The following BCL2 variants were observed in gnomAD, a reference collection of about 807,000 sequenced individuals.
The protein encoded by BCL2 is apoptosis regulator Bcl-2.
BCL2 carries 1 observed loss-of-function variant against 14.2 expected under a neutral mutation model. The observed-to-expected ratio is 0.07, with a 90% confidence interval of 0.02 to 0.33. The LOEUF is 0.33. Among genes scored for constraint, BCL2 ranks in the 10% least tolerant of loss-of-function variants. The pLI is 0.99. For missense variants in BCL2, 247 were observed against 305.9 expected (o/e 0.81, Z 1.44); for synonymous variants, 151 against 137.2 (o/e 1.10, Z -0.70).
intron 2 of BCL2, among the ~76,000 whole-genome samples, chr18:63,273,507 A>C (rs1328571392): frequency 6.6e-6 from 1 of 152,190 alleles, no homozygotes; most frequent in Non-Finnish European, 1.5e-5. Flanking sequence ...GTAAACTGAC[A>C]ATGATAAAGA....
At chr18:63,129,026 A>G (rs1311919792) in intron 2 of BCL2, among the ~76,000 whole-genome samples, 1 of 152,248 alleles carries the variant, frequency 6.6e-6, no homozygotes, top group Non-Finnish European at 1.5e-5. Flanking sequence ...TTCCTACTTC[A>G]CGAAGCTTCC....
chr18:63,301,673 C>T (rs112328952), intron 2 of BCL2, among the ~76,000 whole-genome samples: 175 of 152,334 alleles, frequency 1.1e-3, no homozygotes, highest in Non-Finnish European at 1.8e-3. Flanking sequence ...AATTACAGTA[C>T]TGGCGACAAA....
At chr18:63,301,217 G>A (rs959949395) in intron 2 of BCL2, among the ~76,000 whole-genome samples, 1 of 152,158 alleles carries the variant, frequency 6.6e-6, no homozygotes. Context: ...CTAGGACTGG[G>A]GAGAAAAAGA....
chr18:63,311,090 A>G (rs1039703812), intron 2 of BCL2, among the ~76,000 whole-genome samples: 3 of 151,476 alleles, frequency 2.0e-5, no homozygotes, highest in Admixed American at 2.0e-4. Flanking sequence ...ACTTAATTTT[A>G]TTCCTATTTT....
intron 2 of BCL2, among the ~76,000 whole-genome samples, chr18:63,169,120 C>G (rs552769817): frequency 1.1e-4 from 16 of 152,214 alleles, no homozygotes; most frequent in African/African-American, 1.9e-4. Flanking sequence ...CACAGGCAGG[C>G]ACCTGATCAT....
rs1314569801 is a variant in BCL2 at position 63,126,212 on chromosome 18, C to T, written c.*2413G>A. ...TGATCATTCTGTTCCCTGAGGCCCG[C>T]CGGGGAGGTCTGGCTTCATACCACA... On this transcript the variant is annotated 3_prime_UTR_variant, in exon 3 of 3. Coordinates refer to ENST00000333681, the MANE Select transcript of BCL2 (RefSeq NM_000633.3). 9.2e-6 allele frequency: 2 copies of T among 217,136 alleles called. No homozygotes were observed. Among genetic ancestry groups the T allele is most frequent in the Admixed American group, 5.8e-5 (1 of 17,194 alleles). 13.5% of individuals were successfully genotyped at this position (217,136 alleles called of 1,614,324 possible).
chr18:63,293,668 T>TG (rs571265631), intron 2 of BCL2, among the ~76,000 whole-genome samples: 3 of 152,086 alleles, frequency 2.0e-5, no homozygotes, highest in African/African-American at 7.2e-5. Flanking sequence ...GTTCTGGGGC[T>TG]GGGGGGAGAC....
At chr18:63,262,091 A>G (rs1911677532) in intron 2 of BCL2, among the ~76,000 whole-genome samples, 1 of 150,228 alleles carries the variant, frequency 6.7e-6, no homozygotes, top group African/African-American at 2.5e-5. Context: ...ATTTTTTTAT[A>G]TTTTTAGTAT....
At chr18:63,234,150 C>T (rs576869302) in intron 2 of BCL2, among the ~76,000 whole-genome samples, 61 of 152,174 alleles carry the variant, frequency 4.0e-4, no homozygotes, top group African/African-American at 1.3e-3. Context: ...CATAGGTAAA[C>T]GTGTGCCATG....
chr18:63,160,544 C>T (rs1049404683), intron 2 of BCL2, among the ~76,000 whole-genome samples: 21 of 152,172 alleles, frequency 1.4e-4, no homozygotes, highest in African/African-American at 5.1e-4. Flanking sequence ...TTCCAAAATT[C>T]TGTTTCAACA....
At chr18:63,203,087 T>C (rs1909744046) in intron 2 of BCL2, among the ~76,000 whole-genome samples, 2 of 152,196 alleles carry the variant, frequency 1.3e-5, no homozygotes, top group East Asian at 1.9e-4. Flanking sequence ...TGCTAATCAA[T>C]CACGCTTCAG....
intron 2 of BCL2, among the ~76,000 whole-genome samples, chr18:63,256,763 C>T (rs1398226841): frequency 6.6e-6 from 1 of 152,168 alleles, no homozygotes; most frequent in Non-Finnish European, 1.5e-5. Context: ...TCACACAAAG[C>T]CTGCCCCCTT....
At chr18:63,198,368 T>A (rs1222949003) in intron 2 of BCL2, among the ~76,000 whole-genome samples, 918 of 26,550 alleles carry the variant, frequency 0.035, no homozygotes, top group African/African-American at 0.047. Flanking sequence ...AGACACACAC[T>A]GACATAGACA....
chr18:63,310,264 G>A (rs1979289907), intron 2 of BCL2, among the ~76,000 whole-genome samples: 1 of 152,168 alleles, frequency 6.6e-6, no homozygotes, highest in African/African-American at 2.4e-5. Context: ...GTATGCAGTG[G>A]TAAGTTCTCA....
In BCL2 at chr18:63,318,036, C is replaced by T. The variant is rs760535243; in HGVS notation, c.585+46G>A. On this transcript the variant is annotated intron_variant, in intron 2 of 2. Coordinates refer to ENST00000333681, the MANE Select transcript of BCL2 (RefSeq NM_000633.3). The surrounding 1 kb of genome is among the most constrained non-coding windows in gnomAD (Gnocchi z 7.4). ...CACCCGCACTCCAACCCCCGCATCT[C>T]GGACCTGTGGCCTCAGCCCAGACTC... 1.1e-5 allele frequency: 18 copies of T among 1,597,506 alleles called. No individual in the cohort carries two copies. The highest frequency in any genetic ancestry group is 1.5e-5 in the Non-Finnish European group (17 of 1,169,454).
intron 2 of BCL2, among the ~76,000 whole-genome samples, chr18:63,233,185 C>T (rs1847390084): frequency 6.6e-6 from 1 of 152,180 alleles, no homozygotes; most frequent in Non-Finnish European, 1.5e-5. Flanking sequence ...AAAATCCTGC[C>T]TCCTAATAGC....
chr18:63,256,496 C>T (rs1271084302), intron 2 of BCL2, among the ~76,000 whole-genome samples: 4 of 152,186 alleles, frequency 2.6e-5, no homozygotes, highest in Non-Finnish European at 5.9e-5. Context: ...GGATTACAGG[C>T]GTGAGCCACC....
chr18:63,204,662 T>C (rs1244910672), intron 2 of BCL2, among the ~76,000 whole-genome samples: 3 of 152,210 alleles, frequency 2.0e-5, no homozygotes, highest in Admixed American at 6.5e-5. Flanking sequence ...CACTATGTTA[T>C]GGAGTAATCT....
intron 2 of BCL2, among the ~76,000 whole-genome samples, chr18:63,273,016 T>G (rs962872023): frequency 7.1e-6 from 1 of 141,708 alleles, no homozygotes; most frequent in Non-Finnish European, 1.5e-5. Context: ...AGACAGAGAT[T>G]GAAAAAAAAA....
Sources: gnomAD v4.1 joint callset for allele counts (sites outside exome capture counted in the v4.1 genomes callset) on GRCh38, gnomAD v4.1.1 for gene constraint, Gnocchi (gnomAD v3.1) non-coding constraint, MANE v1.5 for transcripts, NCBI Gene and HGNC (gene_info 2026-07-23, HGNC 2026-07-21) for gene names.